SNRPG: variants seen among roughly 807,000 people sequenced by gnomAD.
SNRPG encodes small nuclear ribonucleoprotein G.
Under a neutral mutation model 13.9 loss-of-function variants are expected in SNRPG, and 3 were observed. That is an observed-to-expected ratio of 0.22 (90% confidence interval 0.10 to 0.56). The LOEUF (loss-of-function observed/expected upper bound fraction) is 0.56, where lower values mean the gene tolerates loss of function less well. Among genes scored for constraint, SNRPG ranks in the 20% least tolerant of loss-of-function variants. SNRPG has a pLI of 0.93. For synonymous variants in SNRPG, 29 were observed against 29.3 expected, an observed-to-expected ratio of 0.99 and a Z score of 0.03; for missense variants, 34 against 96.1, an observed-to-expected ratio of 0.35 and a Z score of 2.70.
At chr2:70,287,630 G>C (rs1192139880) in intron 3 of SNRPG, among the ~76,000 whole-genome samples, 1 of 152,200 alleles carries the variant, frequency 6.6e-6, no homozygotes, top group Non-Finnish European at 1.5e-5. Flanking sequence ...AAATCAGAAA[G>C]TGTTACCTGT....
intron 3 of SNRPG, among the ~76,000 whole-genome samples, chr2:70,287,008 C>A (rs1696957960): frequency 6.6e-6 from 1 of 152,138 alleles, no homozygotes; most frequent in African/African-American, 2.4e-5. Flanking sequence ...AAAGACAAGT[C>A]AATTTACATG....
chr2:70,288,730 CAAGA>C (rs1363499275), intron 2 of SNRPG, among the ~76,000 whole-genome samples: 1 of 152,154 alleles, frequency 6.6e-6, no homozygotes, highest in African/African-American at 2.4e-5. Flanking sequence ...TACATATTCC[CAAGA>C]AACAAGATAA....
intron 3 of SNRPG, among the ~76,000 whole-genome samples, chr2:70,283,685 A>C (rs938693912): frequency 6.6e-6 from 1 of 152,208 alleles, no homozygotes; most frequent in Non-Finnish European, 1.5e-5. Flanking sequence ...ATAGAAGGGA[A>C]CACAATTGGT....
chr2:70,287,964 C>T, intron 3 of SNRPG, 104 bp downstream of exon 3: 2 of 1,057,062 alleles, frequency 1.9e-6, no homozygotes, highest in Admixed American at 1.8e-5. Flanking sequence ...AAAGTCTAAT[C>T]TTGCCTGTTA....
rs1197172331 is a variant in SNRPG at position 70,282,443 on chromosome 2, A to G, written c.181-759T>C. ...AATTGGGCAGAATTTTGAAAAGGAG[A>G]TTGTAGGAAATTCTAGACAGAACTA... On this transcript the variant is annotated intron_variant, in intron 3 of 3. Coordinates refer to ENST00000272348, the MANE Select transcript of SNRPG (RefSeq NM_003096.4). Among the ~76,000 whole-genome samples the G allele has an allele frequency of 2.6e-5, 4 of 152,320 alleles. No individual in the cohort carries two copies. The East Asian group carries it at 7.7e-4, about 29-fold the overall frequency.
In SNRPG at chr2:70,282,742, T is replaced by C. The variant is rs191173949; in HGVS notation, c.181-1058A>G. ...AACCTAGAGGCAGAAAGAGAAGTTA[T>C]AAAAAAAAGGCCCTAGGAGAACAGT... is the stretch of plus-strand genomic sequence containing the variant. On this transcript the variant is annotated intron_variant, in intron 3 of 3. Transcript: ENST00000272348. 2.6e-4 allele frequency among the ~76,000 whole-genome samples: 40 copies of C among 151,678 alleles called. No individual in the cohort carries two copies. The East Asian group carries it at 7.6e-3, about 29-fold the overall frequency.
intron 3 of SNRPG, 98 bp downstream of exon 3, chr2:70,287,970 T>A: frequency 1.8e-6 from 2 of 1,131,138 alleles, no homozygotes; most frequent in Non-Finnish European, 2.7e-6. Flanking sequence ...TAATCTTGCC[T>A]GTTATTTGCC....
chr2:70,293,493 G>A (rs1368722940), intron 1 of SNRPG, 125 bp downstream of exon 1: 5 of 894,256 alleles, frequency 5.6e-6, no homozygotes, highest in Non-Finnish European at 9.5e-6. Context: ...GGATCCCGGC[G>A]ACCTCGGACC....
At position 70,283,096 on chromosome 2, in the gene SNRPG, C is replaced by CAAA. The variant is rs57862220; in HGVS notation, c.181-1415_181-1413dup. Among the ~76,000 whole-genome samples, 49 of 13,902 alleles carry CAAA rather than the reference C, an allele frequency of 3.5e-3. 3 individuals are homozygous for CAAA. Among genetic ancestry groups the CAAA allele is most frequent in the African/African-American group, 9.2e-3 (27 of 2,930 alleles). 9.1% of individuals were successfully genotyped at this position (13,902 alleles called of 152,430 possible). On this transcript the variant is annotated intron_variant, in intron 3 of 3. Coordinates refer to ENST00000272348, the MANE Select transcript of SNRPG (RefSeq NM_003096.4). ...GGCAACGAGCGAAACTGTCTTTTGTCAAAAAAAAAAAAAAAAAAAAAAAAA... is the reference window on the plus strand; with the variant it reads ...GGCAACGAGCGAAACTGTCTTTTGTCAAAAAAAAAAAAAAAAAAAAAAAAAAAA...
intron 3 of SNRPG, 150 bp from the exon 4 acceptor site, chr2:70,281,834 A>G (rs1696793627): frequency 1.8e-6 from 1 of 543,432 alleles, no homozygotes; most frequent in Admixed American, 3.7e-5. Context: ...ACACCAAACA[A>G]CTCTAAGCCC....
chr2:70,292,916 C>G, intron 1 of SNRPG: 1 of 553,156 alleles, frequency 1.8e-6, no homozygotes, highest in Non-Finnish European at 3.2e-6. Flanking sequence ...ACGTTGAGTC[C>G]TACCTAAAGT....
chr2:70,287,191 T>C (rs1696963067), intron 3 of SNRPG: 6 of 624,664 alleles, frequency 9.6e-6, no homozygotes, highest in Non-Finnish European at 1.1e-5. Context: ...TCAAAATAGG[T>C]CTATCTTCAA....
chr2:70,282,647 G>A (rs1479314464), intron 3 of SNRPG, among the ~76,000 whole-genome samples: 4 of 152,150 alleles, frequency 2.6e-5, no homozygotes, highest in Admixed American at 2.6e-4. Context: ...GTTTCACTTG[G>A]GGGAATGACA....
At chr2:70,287,229 G>A (rs1696964056) in intron 3 of SNRPG, 1 of 682,152 alleles carries the variant, frequency 1.5e-6, no homozygotes, top group South Asian at 1.6e-5. Context: ...AAAAATCAAG[G>A]TTAATAAATC....
intron 2 of SNRPG, among the ~76,000 whole-genome samples, chr2:70,288,997 C>T (rs1471650887): frequency 6.6e-6 from 1 of 152,170 alleles, no homozygotes; most frequent in Non-Finnish European, 1.5e-5. Flanking sequence ...ATAGCCCAGG[C>T]TGGAGTGCAG....
chr2:70,287,529 T>C (rs1696973296), intron 3 of SNRPG, among the ~76,000 whole-genome samples: 1 of 152,240 alleles, frequency 6.6e-6, no homozygotes, highest in African/African-American at 2.4e-5. Flanking sequence ...ATAACTGTCA[T>C]TGTGATTATC....
intron 3 of SNRPG, 28 bp downstream of exon 3, chr2:70,288,040 C>G (rs1401062411): frequency 6.2e-7 from 1 of 1,608,258 alleles, no homozygotes; most frequent in Admixed American, 1.7e-5. Flanking sequence ...AATGAAATCT[C>G]CAAGAGAACT....
intron 3 of SNRPG, among the ~76,000 whole-genome samples, chr2:70,286,324 T>C (rs1395397565): frequency 1.3e-5 from 2 of 152,238 alleles, no homozygotes; most frequent in Admixed American, 6.5e-5. Context: ...CAACTGTCCT[T>C]TGTTAAACAA....
chr2:70,283,122 A>ACAAC (rs1553474953), intron 3 of SNRPG, among the ~76,000 whole-genome samples: 2 of 82,962 alleles, frequency 2.4e-5, no homozygotes, highest in African/African-American at 8.2e-5. Context: ...AAAAAAAAAA[A>ACAAC]AACAACAAAC....
Sources: allele counts gnomAD v4.1 joint callset (sites outside exome capture counted in the v4.1 genomes callset), GRCh38; gene constraint gnomAD v4.1.1; transcripts MANE v1.5; gene names NCBI Gene and HGNC (gene_info 2026-07-23, HGNC 2026-07-21).